EBF3: variants seen among roughly 807,000 people sequenced by gnomAD.
EBF3 encodes transcription factor COE3.
In EBF3, 18 loss-of-function variants were observed where a neutral mutation model predicts 77.1. The observed-to-expected ratio is 0.23, with a 90% confidence interval of 0.16 to 0.35. The LOEUF is 0.35. EBF3 is among the 10% of genes least tolerant of loss of function. The pLI, the probability that EBF3 is intolerant of heterozygous loss-of-function variation, is 1.00. For missense variants in EBF3, 558 were observed against 860.0 expected, an observed-to-expected ratio of 0.65 and a Z score of 4.39; for synonymous variants, 350 against 343.5, an observed-to-expected ratio of 1.02 and a Z score of -0.21.
At chr10:129,915,346 G>C (rs1855801062) in intron 6 of EBF3, among the ~76,000 whole-genome samples, 1 of 152,118 alleles carries the variant, frequency 6.6e-6, no homozygotes, top group Non-Finnish European at 1.5e-5. Context: ...ACAGGAAAGG[G>C]GGAGCAGTGA....
chr10:129,848,555 CAAAT>C lies in EBF3; in HGVS notation c.1040-79_1040-76del, dbSNP rs1850637617. The C allele has an allele frequency of 6.9e-7, 1 of 1,457,450 alleles. No individual in the cohort carries two copies. Among genetic ancestry groups the C allele is most frequent in the Middle Eastern group, 1.7e-4 (1 of 5,794 alleles). The allele number at this position is 1,457,450 out of a possible 1,614,324, so 90.3% of individuals were successfully genotyped here. A position where few individuals can be genotyped will look rare whatever the true frequency, so the allele number is the denominator to read the frequency against. ...CCATTACTCGTTTATTGCACACTTA[CAAAT>C]AAATGTGTAGTTCTCCTGCTCTGAT... On this transcript the variant is annotated intron_variant, in intron 10 of 16. Transcript: ENST00000440978. The surrounding 1 kb of genome is among the most constrained non-coding windows in gnomAD (Gnocchi z 4.4).
chr10:129,951,670 G>A (rs1316200520), intron 6 of EBF3, among the ~76,000 whole-genome samples: 1 of 152,258 alleles, frequency 6.6e-6, no homozygotes, highest in Admixed American at 6.5e-5. Flanking sequence ...CAGAGATGCA[G>A]GCCTGGGCCT....
At chr10:129,859,826 G>A (rs964518112) in intron 10 of EBF3, among the ~76,000 whole-genome samples, 2 of 149,074 alleles carry the variant, frequency 1.3e-5, no homozygotes, top group Non-Finnish European at 3.0e-5. Context: ...TGGTGGGAGG[G>A]AGCTTGAGGC....
intron 6 of EBF3, among the ~76,000 whole-genome samples, chr10:129,915,461 T>G (rs1233423141): frequency 8.6e-6 from 1 of 115,956 alleles, no homozygotes; most frequent in African/African-American, 3.9e-5. Context: ...CGCGCACACA[T>G]GCACACACAC....
At chr10:129,930,494 A>G (rs1430602004) in intron 6 of EBF3, among the ~76,000 whole-genome samples, 1 of 138,378 alleles carries the variant, frequency 7.2e-6, no homozygotes, top group African/African-American at 3.4e-5. Context: ...CCCCTCTCAT[A>G]TATCTATATC....
intron 6 of EBF3, among the ~76,000 whole-genome samples, chr10:129,893,878 C>A (rs903746823): frequency 6.6e-6 from 1 of 152,216 alleles, no homozygotes; most frequent in African/African-American, 2.4e-5. Flanking sequence ...TGTCAGCAGA[C>A]CTGCTGGCTT....
chr10:129,872,635 T>A (rs1025051115), intron 8 of EBF3, among the ~76,000 whole-genome samples: 15 of 152,234 alleles, frequency 9.9e-5, no homozygotes, highest in African/African-American at 3.6e-4. Flanking sequence ...TGCAATTCAC[T>A]TAAAAAAACA....
chr10:129,843,056 G>A, intron 12 of EBF3, 81 bp downstream of exon 12: 1 of 1,393,094 alleles, frequency 7.2e-7, no homozygotes, highest in South Asian at 1.2e-5. Context: ...TGTCCAGAAA[G>A]CCCACACTGG....
rs1316312954 is a variant in EBF3, at chr10:129,867,864, C to G, written c.830G>C (p.Gly277Ala). The G allele has an allele frequency of 6.2e-7, 1 of 1,614,260 alleles. No individual in the cohort carries two copies. The highest frequency in any genetic ancestry group is 1.7e-5 in the Admixed American group (1 of 60,036). ...AISPSEGWTT[G>A]GATVIIIGDN... ...GCCAATTATGATGACGGTGGCACCC[C>G]CCGTGGTCCAGCCTTCACTGGGACT... The change falls in exon 9 of 17, where the codon GGG (glycine) becomes GCG (alanine). Residue 277 changes from glycine (G) to alanine (A), a missense_variant. Physicochemically the swap from Gly to Ala is moderately conservative, Grantham distance 60. Transcript: ENST00000440978.
intron 6 of EBF3, among the ~76,000 whole-genome samples, chr10:129,878,823 C>CAAAAAAAAAA (rs10654202): frequency 1.9e-4 from 11 of 58,762 alleles, no homozygotes; most frequent in South Asian, 8.8e-4. Context: ...AAATCGGTCT[C>CAAAAAAAAAA]AAAAAAAAAA....
At chr10:129,850,728 T>C (rs554832522) in intron 10 of EBF3, among the ~76,000 whole-genome samples, 36 of 152,316 alleles carry the variant, frequency 2.4e-4, no homozygotes, top group African/African-American at 8.4e-4. Flanking sequence ...AGGCTTCTGA[T>C]CACTGAAGGT....
chr10:129,878,161 G>T (rs1852927431), intron 6 of EBF3, among the ~76,000 whole-genome samples: 2 of 152,124 alleles, frequency 1.3e-5, no homozygotes, highest in South Asian at 4.1e-4. Context: ...AACCATGGGG[G>T]AAACATTCAG....
chr10:129,919,791 G>A (rs919810763), intron 6 of EBF3, among the ~76,000 whole-genome samples: 1 of 152,148 alleles, frequency 6.6e-6, no homozygotes, highest in African/African-American at 2.4e-5. Flanking sequence ...CTCCTTCCTG[G>A]TGGCCCCCAT....
rs1849940252 is a variant in EBF3 at position 129,840,422 on chromosome 10, T to C, written c.1582A>G (p.Met528Val). 6.4e-7 allele frequency: 1 copy of C among 1,551,496 alleles called. No homozygotes were observed. Among genetic ancestry groups the C allele is most frequent in the South Asian group, 1.2e-5 (1 of 84,074 alleles). Residue 528 changes from methionine to valine, a missense_variant, in exon 15 of 17, where the codon ATG becomes GTG. Around this residue, in one of 5 missense-constraint regions of EBF3, gnomAD observed 284 missense variants for 368.3 expected, o/e 0.77. Transcript: ENST00000440978. ...PYGIVPSSPT[M>V]AASSVTLPSN... The stretch of plus-strand genomic sequence containing the variant: ...GGGAGGGTGACCGAAGAGGCTGCCA[T>C]GGTGGGGCTGGACGGCACTACTGCA...
At chr10:129,845,633 G>A (rs572463104) in intron 11 of EBF3, 1 of 152,282 alleles carries the variant, frequency 6.6e-6, no homozygotes, top group South Asian at 2.1e-4. Context: ...CTGGGGTTAT[G>A]AATACATTGA....
intron 6 of EBF3, among the ~76,000 whole-genome samples, chr10:129,890,856 G>A (rs567669669): frequency 1.3e-5 from 2 of 152,268 alleles, no homozygotes; most frequent in South Asian, 4.1e-4. Context: ...GATACTCCAC[G>A]AGTCACCAGA....
intron 6 of EBF3, among the ~76,000 whole-genome samples, chr10:129,909,134 T>G (rs903317765): frequency 6.6e-6 from 1 of 152,154 alleles, no homozygotes. Context: ...GGTGGCTCTT[T>G]TATCCTTTAA....
At chr10:129,908,009 G>C (rs1392395282) in intron 6 of EBF3, among the ~76,000 whole-genome samples, 1 of 152,206 alleles carries the variant, frequency 6.6e-6, no homozygotes, top group East Asian at 1.9e-4. Context: ...GGATCCATAA[G>C]ACACAGCTAC....
chr10:129,958,315 C>G (rs544881456), intron 5 of EBF3, among the ~76,000 whole-genome samples: 1 of 152,290 alleles, frequency 6.6e-6, no homozygotes, highest in East Asian at 1.9e-4. Flanking sequence ...ATTTCACATG[C>G]CACACATACA....
Sources: gnomAD v4.1 joint callset for allele counts (sites outside exome capture counted in the v4.1 genomes callset) on GRCh38, gnomAD v4.1.1 for gene constraint, gnomAD v4.1.1 regional missense constraint, Gnocchi (gnomAD v3.1) non-coding constraint, MANE v1.5 for transcripts, NCBI Gene and HGNC (gene_info 2026-07-23, HGNC 2026-07-21) for gene names.